FLI1: variants seen among roughly 807,000 people sequenced by gnomAD.
The protein encoded by FLI1 is Fli-1 proto-oncogene, ETS transcription factor.
Under a neutral mutation model 53.1 loss-of-function variants are expected in FLI1, and 13 were observed. The observed-to-expected ratio is 0.24, with a 90% CI of 0.16 to 0.39. The LOEUF (loss-of-function observed/expected upper bound fraction) is 0.39, where lower values mean the gene tolerates loss of function less well. FLI1 is among the 10% of genes least tolerant of loss of function. The probability of loss-of-function intolerance (pLI) is 1.00; values close to 1 mark genes in which losing one functional copy is unlikely to be tolerated. For missense variants in FLI1, 424 were observed against 600.5 expected (o/e 0.71, Z 3.07); for synonymous variants, 244 against 236.7 (o/e 1.03, Z -0.28).
In FLI1 at chr11:128,812,555, T is replaced by TGTG. The variant is rs1305023011; in HGVS notation, c.*1570_*1572dup. The TGTG allele has an allele frequency of 1.3e-5, 3 of 224,858 alleles. No homozygotes were observed. Among genetic ancestry groups the TGTG allele is most frequent in the African/African-American group, 6.7e-5 (3 of 44,900 alleles). The allele number at this position is 224,858 out of a possible 1,614,324, so 13.9% of individuals were successfully genotyped here. ...AGTACAGCAGAAGGTAAAAAATCAGTGTGGTTTTTCATTGTTGTTGATGAT... is the reference window on the plus strand; with the variant it reads ...AGTACAGCAGAAGGTAAAAAATCAGTGTGGTGGTTTTTCATTGTTGTTGATGAT... On this transcript the variant is annotated 3_prime_UTR_variant, in exon 9 of 9. Coordinates refer to ENST00000527786, the MANE Select transcript of FLI1 (RefSeq NM_002017.5).
intron 1 of FLI1, 105 bp from the exon 2 acceptor site, chr11:128,758,010 C>T: frequency 1.0e-6 from 1 of 954,124 alleles, no homozygotes; most frequent in Non-Finnish European, 1.6e-6. Flanking sequence ...TCCAGACAAG[C>T]TGTCCTGGGG....
Position 128,754,235 on chromosome 11 carries a change from ATGTGTGTGTG to A in FLI1, c.19-3847_19-3838del, listed in dbSNP as rs57171401. Among the ~76,000 whole-genome samples the A allele has an allele frequency of 4.8e-3, 694 of 145,746 alleles. 4 individuals are homozygous for A. The highest frequency in any genetic ancestry group is 0.022 in the East Asian group (109 of 4,944). The stretch of plus-strand genomic sequence containing the variant: ...AGCCATGATTGCAAATAGAAGGGGG[ATGTGTGTGTG>A]TGTGTGTGTGTGTGTGTGTGTGTGT... On this transcript the variant is annotated intron_variant, in intron 1 of 8. Coordinates refer to ENST00000527786, the MANE Select transcript of FLI1 (RefSeq NM_002017.5).
chr11:128,793,148 G>T (rs1159822120), intron 5 of FLI1, among the ~76,000 whole-genome samples: 2 of 151,788 alleles, frequency 1.3e-5, no homozygotes, highest in Non-Finnish European at 2.9e-5. Context: ...AGTGGGGGTG[G>T]ATAAATTCAA....
At chr11:128,779,676 A>G (rs2135859304) in intron 4 of FLI1, among the ~76,000 whole-genome samples, 1 of 152,348 alleles carries the variant, frequency 6.6e-6, no homozygotes, top group Admixed American at 6.5e-5. Context: ...TACAGATGAG[A>G]AACTGCTGGC....
At chr11:128,716,543 A>T (rs1939022227) in intron 1 of FLI1, among the ~76,000 whole-genome samples, 1 of 152,074 alleles carries the variant, frequency 6.6e-6, no homozygotes, top group Non-Finnish European at 1.5e-5. Context: ...TGGATTTTTG[A>T]TTTTTGATAG....
intron 1 of FLI1, among the ~76,000 whole-genome samples, chr11:128,736,423 C>A (rs904593312): frequency 6.6e-6 from 1 of 152,202 alleles, no homozygotes; most frequent in Non-Finnish European, 1.5e-5. Context: ...ACTCTTGTAG[C>A]AGGCTTGTCA....
At chr11:128,799,704 G>A (rs972463297) in intron 5 of FLI1, among the ~76,000 whole-genome samples, 9 of 152,184 alleles carry the variant, frequency 5.9e-5, no homozygotes, top group South Asian at 2.1e-4. Flanking sequence ...GGCTGAGGGC[G>A]CGGACTCGAG....
chr11:128,704,255 C>T (rs7945789), intron 1 of FLI1, among the ~76,000 whole-genome samples: 13,955 of 152,072 alleles, frequency 0.092, 1,106 homozygotes, highest in East Asian at 0.27. Flanking sequence ...GGCTCTTCTC[C>T]CATAATCTCA....
intron 1 of FLI1, among the ~76,000 whole-genome samples, chr11:128,705,210 G>A (rs1243541323): frequency 6.6e-6 from 1 of 152,194 alleles, no homozygotes; most frequent in Non-Finnish European, 1.5e-5. Flanking sequence ...ACTATCCACA[G>A]TCTGCACCGG....
chr11:128,798,614 C>T (rs1942515675), intron 5 of FLI1, among the ~76,000 whole-genome samples: 1 of 152,176 alleles, frequency 6.6e-6, no homozygotes, highest in African/African-American at 2.4e-5. Context: ...AGGACAAGAT[C>T]CTTGAGCAAA....
intron 5 of FLI1, among the ~76,000 whole-genome samples, chr11:128,791,249 A>G (rs930169106): frequency 1.4e-4 from 21 of 152,144 alleles, no homozygotes; most frequent in African/African-American, 5.1e-4. Flanking sequence ...TGTCCTTCAA[A>G]CATGACTTGG....
Position 128,768,321 on chromosome 11 carries a change from T to TGG in FLI1, c.385+55_385+56dup, listed in dbSNP as rs35044982. The TGG allele has an allele frequency of 9.4e-6, 15 of 1,598,494 alleles. No homozygotes were observed. In the African/African-American group the frequency reaches 1.9e-4, roughly 20 times the overall value. On this transcript the variant is annotated intron_variant, in intron 3 of 8. Transcript: ENST00000527786. Reference sequence around the variant, plus strand: ...GGGCGCCATTCACTTCCCCACTCTCTGGGGGGGCAGGGAGCATCTAAACCT... The same window carrying TGG: ...GGGCGCCATTCACTTCCCCACTCTCTGGGGGGGGGCAGGGAGCATCTAAACCT...
At chr11:128,809,300 G>T in intron 8 of FLI1, 96 bp downstream of exon 8, 2 of 1,027,462 alleles carry the variant, frequency 1.9e-6, no homozygotes, top group South Asian at 1.3e-5. Context: ...ACACCTGAGT[G>T]GGGAGTAACA....
upstream of FLI1, chr11:128,686,291 C>T: frequency 2.2e-6 from 1 of 455,136 alleles, no homozygotes; most frequent in Non-Finnish European, 4.4e-6. Flanking sequence ...GTTTCCAGAA[C>T]AAGCTGCGGG....
At chr11:128,791,292 GAAT>G (rs1406497499) in intron 5 of FLI1, among the ~76,000 whole-genome samples, 1 of 152,034 alleles carries the variant, frequency 6.6e-6, no homozygotes, top group African/African-American at 2.4e-5. Context: ...CCACACTTTG[GAAT>G]AATGTTTCCC....
At chr11:128,789,895 G>A (rs1300193692) in intron 5 of FLI1, among the ~76,000 whole-genome samples, 1 of 152,160 alleles carries the variant, frequency 6.6e-6, no homozygotes, top group African/African-American at 2.4e-5. Context: ...GGCCCCACAG[G>A]CCCCATCTAC....
chr11:128,798,054 G>T (rs1483912118), intron 5 of FLI1, among the ~76,000 whole-genome samples: 1 of 152,130 alleles, frequency 6.6e-6, no homozygotes, highest in African/African-American at 2.4e-5. Context: ...GTCGGAGCAG[G>T]GCAGAGGGCG....
chr11:128,687,624 G>T (rs556583196), intron 1 of FLI1, among the ~76,000 whole-genome samples: 1 of 152,262 alleles, frequency 6.6e-6, no homozygotes, highest in South Asian at 2.1e-4. Context: ...GTGAGGCCCA[G>T]CTGAGCTCCC....
At chr11:128,724,027 C>G (rs759989660) in intron 1 of FLI1, among the ~76,000 whole-genome samples, 1 of 144,180 alleles carries the variant, frequency 6.9e-6, no homozygotes, top group Non-Finnish European at 1.5e-5. Context: ...ACTGTAACCT[C>G]TGCCTCCCAG....
Sources: allele counts gnomAD v4.1 joint callset (sites outside exome capture counted in the v4.1 genomes callset), GRCh38; gene constraint gnomAD v4.1.1; transcripts MANE v1.5; gene names NCBI Gene and HGNC (gene_info 2026-07-23, HGNC 2026-07-21).